SHMT1: variants seen among roughly 807,000 people sequenced by gnomAD.
The protein encoded by SHMT1 is serine hydroxymethyltransferase 1.
A neutral mutation model predicts 49.0 loss-of-function variants in SHMT1; 45 were observed. The observed-to-expected ratio is 0.92, with a 90% CI of 0.72 to 1.18. The LOEUF is 1.18. Ranked by LOEUF, SHMT1 falls within the 50% of genes most tolerant of loss-of-function variation. The pLI is 0.00. For synonymous variants in SHMT1, 232 were observed against 246.6 expected (o/e 0.94, Z 0.55); for missense variants, 541 against 612.4 (o/e 0.88, Z 1.23).
intron 3 of SHMT1, among the ~76,000 whole-genome samples, chr17:18,350,192 G>T (rs551205712): frequency 1.3e-5 from 2 of 152,188 alleles, no homozygotes; most frequent in South Asian, 4.1e-4. Context: ...TTAGCCGGGT[G>T]TGGTGGCGGG....
intron 2 of SHMT1, 30 bp downstream of exon 2, chr17:18,355,856 A>T (rs1986187494): frequency 6.9e-7 from 1 of 1,457,258 alleles, no homozygotes; most frequent in African/African-American, 1.4e-5. Flanking sequence ...TCCAACATAA[A>T]AAAATCTGTG....
intron 5 of SHMT1, among the ~76,000 whole-genome samples, chr17:18,344,367 G>T (rs540971994): frequency 2.9e-4 from 44 of 151,928 alleles, no homozygotes; most frequent in Non-Finnish European, 5.6e-4. Context: ...CTGACCTCCA[G>T]TAAAAATGGA....
At chr17:18,347,113 G>A (rs376677269) in intron 5 of SHMT1, among the ~76,000 whole-genome samples, 2 of 152,224 alleles carry the variant, frequency 1.3e-5, no homozygotes, top group East Asian at 3.9e-4. Context: ...GCCCACAGGG[G>A]CTCCGAGCAG....
At chr17:18,348,548 A>G (rs774823138) in intron 3 of SHMT1, 108 bp from the exon 4 acceptor site, 1 of 801,342 alleles carries the variant, frequency 1.2e-6, no homozygotes, top group Non-Finnish European at 2.2e-6. Flanking sequence ...AGTGGAGAGA[A>G]GTAATGAGAA....
At chr17:18,333,529 G>C (rs569485050) in intron 8 of SHMT1, 1 of 167,584 alleles carries the variant, frequency 6.0e-6, no homozygotes, top group Non-Finnish European at 1.2e-5. Context: ...GCAGTGGTGT[G>C]ATCTCGGTTC....
intron 9 of SHMT1, 129 bp downstream of exon 9, chr17:18,333,037 C>T: frequency 1.6e-6 from 2 of 1,238,444 alleles, no homozygotes; most frequent in Non-Finnish European, 2.3e-6. Flanking sequence ...GGCTGACCTC[C>T]TCCCAAGGTG....
chr17:18,352,665 A>G (rs1985841705), intron 3 of SHMT1, among the ~76,000 whole-genome samples: 1 of 151,860 alleles, frequency 6.6e-6, no homozygotes, highest in South Asian at 2.1e-4. Flanking sequence ...CTGTCTCTAC[A>G]AAAAATTAGC....
At chr17:18,334,824 T>TG (rs1301252973) in intron 8 of SHMT1, among the ~76,000 whole-genome samples, 1 of 152,158 alleles carries the variant, frequency 6.6e-6, no homozygotes, top group East Asian at 1.9e-4. Context: ...CAGCTGTGGG[T>TG]GCCAAGTGTG....
Position 18,353,777 on chromosome 17 carries a change from A to AC in SHMT1, c.136dup (p.Val46GlyfsTer26). 6.2e-7 allele frequency: 1 copy of AC among 1,613,960 alleles called. No homozygotes were observed. The highest frequency in any genetic ancestry group is 1.1e-5 in the South Asian group (1 of 91,070). On this transcript the variant is annotated frameshift_variant, in exon 3 of 12. Coordinates refer to ENST00000316694, the MANE Select transcript of SHMT1 (RefSeq NM_004169.5). LOFTEE classifies it high-confidence loss of function. ...CTCCGAGGCAATCAGCTCCAATCCA[A>AC]CCCTCTGCCGGTTACTCTCCTTCTT...
In SHMT1 at chr17:18,328,379, G is replaced by C. The variant is rs1233492591; in HGVS notation, c.*371C>G. 6.6e-6 allele frequency: 2 copies of C among 301,404 alleles called. No individual in the cohort carries two copies. Among genetic ancestry groups the C allele is most frequent in the Non-Finnish European group, 1.3e-5 (2 of 155,124 alleles). The allele number at this position is 301,404 out of a possible 1,614,324, so 18.7% of individuals were successfully genotyped here. On this transcript the variant is annotated 3_prime_UTR_variant, in exon 12 of 12. Coordinates refer to ENST00000316694, the MANE Select transcript of SHMT1 (RefSeq NM_004169.5). ...ACATGGGCATTTCCTCTCTGTTGCA[G>C]CAAGGCGGAGGAAAGCCCAGGGAGA... is the stretch of plus-strand genomic sequence containing the variant.
chr17:18,355,043 T>A (rs1285243753), intron 2 of SHMT1, among the ~76,000 whole-genome samples: 1 of 65,020 alleles, frequency 1.5e-5, no homozygotes, highest in Non-Finnish European at 2.6e-5. Flanking sequence ...AGAGCAAGAC[T>A]ATATCTCAAA....
At chr17:18,333,598 T>A (rs1983477027) in intron 8 of SHMT1, among the ~76,000 whole-genome samples, 2 of 151,958 alleles carry the variant, frequency 1.3e-5, no homozygotes, top group South Asian at 4.2e-4. Context: ...CCCGAACAGC[T>A]GGGACTACAG....
At chr17:18,349,695 A>G (rs1289596026) in intron 3 of SHMT1, among the ~76,000 whole-genome samples, 1 of 151,958 alleles carries the variant, frequency 6.6e-6, no homozygotes, top group African/African-American at 2.4e-5. Context: ...CTACAGCTGG[A>G]GCAACACAGT....
chr17:18,340,933 T>C lies in SHMT1; in HGVS notation c.520-120A>G. On this transcript the variant is annotated intron_variant, in intron 5 of 11. Transcript: ENST00000316694. This position sits in a 1 kb window ranked among gnomAD's most constrained non-coding sequence, Gnocchi z 4.5. ...GAGGAATGATGTCCTAGATGAGGAC[T>C]TGAGGGTGAGACAGGATGGATACTG... 2.6e-6 allele frequency: 2 copies of C among 759,602 alleles called. No individual in the cohort carries two copies. The highest frequency in any genetic ancestry group is 4.6e-6 in the Non-Finnish European group (2 of 432,930). The allele number at this position is 759,602 out of a possible 1,614,324, so 47.1% of individuals were successfully genotyped here.
intron 8 of SHMT1, among the ~76,000 whole-genome samples, chr17:18,335,331 G>A: frequency 6.6e-6 from 1 of 152,222 alleles, no homozygotes; most frequent in East Asian, 1.9e-4. Flanking sequence ...AACTCGGCCT[G>A]ACCCACAGGT....
At chr17:18,336,962 A>G (rs890212825) in intron 7 of SHMT1, among the ~76,000 whole-genome samples, 9 of 152,168 alleles carry the variant, frequency 5.9e-5, no homozygotes, top group African/African-American at 1.9e-4. Flanking sequence ...TAAAATTTAA[A>G]GAGTCTCCAA....
At chr17:18,329,420 C>T in intron 10 of SHMT1, 32 bp from the exon 11 acceptor site, 1 of 1,523,538 alleles carries the variant, frequency 6.6e-7, no homozygotes, top group Non-Finnish European at 9.1e-7. Context: ...GTCCCTAAGT[C>T]ACATTGTCAC....
At chr17:18,359,493 G>A (rs1986553348) in intron 1 of SHMT1, among the ~76,000 whole-genome samples, 1 of 151,846 alleles carries the variant, frequency 6.6e-6, no homozygotes, top group African/African-American at 2.4e-5. Context: ...TGGCTAACAT[G>A]GTGAAACCCT....
chr17:18,356,097 G>T, intron 1 of SHMT1, 97 bp from the exon 2 acceptor site: 1 of 604,360 alleles, frequency 1.7e-6, no homozygotes. Flanking sequence ...TTGTTGCCCA[G>T]GCTAGAGTGC....
Sources: allele counts gnomAD v4.1 joint callset (sites outside exome capture counted in the v4.1 genomes callset), GRCh38; gene constraint gnomAD v4.1.1; non-coding constraint Gnocchi (gnomAD v3.1); transcripts MANE v1.5; gene names NCBI Gene and HGNC (gene_info 2026-07-23, HGNC 2026-07-21).